The following GSR variants were observed in gnomAD, a reference collection of about 807,000 sequenced individuals.
GSR encodes the protein glutathione-disulfide reductase.
A neutral mutation model predicts 56.5 loss-of-function variants in GSR; 48 were observed. That is an observed-to-expected ratio of 0.85 (90% CI 0.67 to 1.08). The LOEUF (loss-of-function observed/expected upper bound fraction) is 1.08, where lower values mean the gene tolerates loss of function less well. Among genes scored for constraint, GSR ranks in the 50% least tolerant of loss-of-function variants. The probability of loss-of-function intolerance (pLI) is 0.00; values close to 1 mark genes in which losing one functional copy is unlikely to be tolerated. For synonymous variants in GSR, 264 were observed against 270.8 expected, an observed-to-expected ratio of 0.97 and a Z score of 0.25; for missense variants, 694 against 703.3, an observed-to-expected ratio of 0.99 and a Z score of 0.15.
chr8:30,690,111 T>C (rs1375332100), intron 8 of GSR, among the ~76,000 whole-genome samples: 1 of 144,028 alleles, frequency 6.9e-6, no homozygotes, highest in Non-Finnish European at 1.5e-5. Flanking sequence ...AATATACATA[T>C]ATAAATCTAT....
At position 30,679,229 on chromosome 8, in the gene GSR, T is replaced by A; in HGVS notation, c.*291A>T. The A allele has an allele frequency of 2.5e-6, 1 of 401,422 alleles. No homozygotes were observed. Among genetic ancestry groups the A allele is most frequent in the South Asian group, 2.7e-5 (1 of 36,364 alleles). 24.9% of individuals were successfully genotyped at this position (401,422 alleles called of 1,614,324 possible). ...ATTGTACTTCACAAAGCTTTATATT[T>A]GGGATGAGGCTAAAACAGAAAAAAA... On this transcript the variant is annotated 3_prime_UTR_variant, in exon 13 of 13. Transcript: ENST00000221130.
intron 9 of GSR, 67 bp downstream of exon 9, chr8:30,689,094 G>A: frequency 6.9e-7 from 1 of 1,443,586 alleles, no homozygotes; most frequent in Non-Finnish European, 9.7e-7. Flanking sequence ...GGGTGTCTGG[G>A]GGGAAAATAA....
At chr8:30,713,357 T>A (rs956415176) in intron 1 of GSR, among the ~76,000 whole-genome samples, 7 of 150,566 alleles carry the variant, frequency 4.6e-5, no homozygotes, top group Non-Finnish European at 1.0e-4. Context: ...ATTATTTTTT[T>A]GTTTGGTTGT....
In GSR at chr8:30,727,765, C is replaced by T. The variant is rs763584081; in HGVS notation, c.71G>A (p.Arg24Gln). The T allele has an allele frequency of 3.8e-5, 52 of 1,371,688 alleles. No homozygotes were observed. Among genetic ancestry groups the T allele is most frequent in the Non-Finnish European group, 1.7e-5 (18 of 1,062,378 alleles). The allele number at this position is 1,371,688 out of a possible 1,614,324, so 85.0% of individuals were successfully genotyped here. ...PSWRRAARAFRGFLLLLPEPA... is the reference protein window; with the variant it reads ...PSWRRAARAFQGFLLLLPEPA... ...CTCGGGCAGAAGCAGCAGGAAGCCT[C>T]GGAAGGCGCGCGCCGCCCGCCGCCA... Residue 24 changes from arginine (R) to glutamine (Q), a missense_variant, in exon 1 of 13, where the codon CGA becomes CAA. Arg to Gln is a conservative substitution (Grantham distance 43, BLOSUM62 1). Coordinates refer to ENST00000221130, the MANE Select transcript of GSR (RefSeq NM_000637.5).
chr8:30,695,276 C>T (rs139387370), intron 7 of GSR, among the ~76,000 whole-genome samples: 2,270 of 152,138 alleles, frequency 0.015, 27 homozygotes, highest in Non-Finnish European at 0.019. Flanking sequence ...TGCTCTGTTG[C>T]CCAGGCTGGA....
intron 1 of GSR, 134 bp downstream of exon 1, chr8:30,727,395 TG>T: frequency 1.2e-6 from 1 of 854,294 alleles, no homozygotes; most frequent in Non-Finnish European, 1.8e-6. Context: ...GGCTTCGGAA[TG>T]GGGAGTTGCG....
intron 1 of GSR, among the ~76,000 whole-genome samples, chr8:30,718,665 G>C (rs886286161): frequency 6.6e-6 from 1 of 152,172 alleles, no homozygotes; most frequent in East Asian, 1.9e-4. Flanking sequence ...GTTGCCCAGA[G>C]TTGCACATTG....
chr8:30,702,962 C>A, intron 5 of GSR, 131 bp downstream of exon 5: 1 of 949,960 alleles, frequency 1.1e-6, no homozygotes, highest in Admixed American at 1.8e-5. Context: ...TTAGGTTCTG[C>A]AGAGACCTTC....
chr8:30,719,164 T>A (rs143896573), intron 1 of GSR, among the ~76,000 whole-genome samples: 4,184 of 146,184 alleles, frequency 0.029, 159 homozygotes, highest in African/African-American at 0.085. Context: ...TGAAGTGCAG[T>A]GGTGCGATCT....
chr8:30,692,988 T>A lies in GSR; in HGVS notation c.863A>T (p.Glu288Val). The A allele has an allele frequency of 5.0e-6, 8 of 1,611,494 alleles. No homozygotes were observed. The highest frequency in any genetic ancestry group is 6.8e-6 in the Non-Finnish European group (8 of 1,178,156). The change falls in exon 8 of 13, where the codon GAG becomes GTG. Residue 288 changes from glutamate (E) to valine (V), a missense_variant. By Grantham distance (121) the Glu-to-Val change is moderately radical. Transcript: ENST00000221130. ...CTGTACCTGGGAGAACTTCAGCACCTCCACGCCAGCGTTCTCCAGCTCCTC... is the reference window on the plus strand; with the variant it reads ...CTGTACCTGGGAGAACTTCAGCACCACCACGCCAGCGTTCTCCAGCTCCTC... ...CTEELENAGV[E>V]VLKFSQVKEV...
intron 2 of GSR, among the ~76,000 whole-genome samples, chr8:30,710,739 AAAAAAAGAAAAGAAAAAAAAG>A: frequency 7.4e-6 from 1 of 135,248 alleles, no homozygotes; most frequent in African/African-American, 3.0e-5. Flanking sequence ...AAAAAAAAAA[AAAAAAAGAAAAGAAAAAAAAG>A]AAAAAAAAAT....
intron 9 of GSR, 44 bp downstream of exon 9, chr8:30,689,117 C>A (rs1298805722): frequency 6.3e-7 from 1 of 1,584,852 alleles, no homozygotes; most frequent in South Asian, 1.1e-5. Context: ...CCATAAGACT[C>A]CTAGTAGATT....
chr8:30,719,725 G>A (rs1050233804), intron 1 of GSR, among the ~76,000 whole-genome samples: 4 of 152,046 alleles, frequency 2.6e-5, no homozygotes, highest in African/African-American at 9.7e-5. Flanking sequence ...TCAGAATCCC[G>A]ATCAGTGGGC....
chr8:30,684,959 T>G (rs1408793228), intron 9 of GSR, among the ~76,000 whole-genome samples: 1 of 147,060 alleles, frequency 6.8e-6, no homozygotes, highest in Non-Finnish European at 1.5e-5. Context: ...ATTTATTTAT[T>G]TATTTATTTA....
rs1160340352 is a variant in GSR, at chr8:30,678,180, G to A, written c.*1340C>T. The A allele has an allele frequency of 6.6e-6, 1 of 151,748 alleles. No individual in the cohort carries two copies. The highest frequency in any genetic ancestry group is 1.5e-5 in the Non-Finnish European group (1 of 67,952). The allele number at this position is 151,748 out of a possible 1,614,324, so 9.4% of individuals were successfully genotyped here. A position where few individuals can be genotyped will look rare whatever the true frequency, so the allele number is the denominator to read the frequency against. On this transcript the variant is annotated 3_prime_UTR_variant, in exon 13 of 13. Transcript: ENST00000221130. ...TTATTCATTGAACTATAAACACTTAGCAGAGGAAGGGACTTTTGATGTATT... is the reference window on the plus strand; with the variant it reads ...TTATTCATTGAACTATAAACACTTAACAGAGGAAGGGACTTTTGATGTATT...
chr8:30,695,149 C>A (rs540944009), intron 7 of GSR, among the ~76,000 whole-genome samples: 1 of 152,178 alleles, frequency 6.6e-6, no homozygotes, highest in Non-Finnish European at 1.5e-5. Flanking sequence ...AGGCCGTGTG[C>A]GGACCAGGAT....
chr8:30,684,703 CTCCTGAGGAACACT>C (rs1428309633), intron 9 of GSR, among the ~76,000 whole-genome samples: 1 of 152,136 alleles, frequency 6.6e-6, no homozygotes, highest in Non-Finnish European at 1.5e-5. Flanking sequence ...GGAAGCACTG[CTCCTGAGGAACACT>C]GACTCAAGCA....
intron 6 of GSR, among the ~76,000 whole-genome samples, chr8:30,697,404 ACT>A (rs1228560915): frequency 7.3e-6 from 1 of 136,950 alleles, no homozygotes; most frequent in Non-Finnish European, 1.6e-5. Context: ...ACAGAGCGAG[ACT>A]CTGTCTCAAA....
intron 11 of GSR, among the ~76,000 whole-genome samples, chr8:30,681,708 A>G (rs1165038389): frequency 6.8e-6 from 1 of 148,010 alleles, no homozygotes; most frequent in Non-Finnish European, 1.5e-5. Context: ...TAAAAAAGCT[A>G]AAAAAAAAAG....
Sources: allele counts gnomAD v4.1 joint callset (sites outside exome capture counted in the v4.1 genomes callset), GRCh38; gene constraint gnomAD v4.1.1; transcripts MANE v1.5; gene names NCBI Gene and HGNC (gene_info 2026-07-23, HGNC 2026-07-21).